CDK14: variants seen among roughly 807,000 people sequenced by gnomAD.
The protein encoded by CDK14 is cyclin dependent kinase 14.
A neutral mutation model predicts 60.7 loss-of-function variants in CDK14; 34 were observed. The observed-to-expected ratio is 0.56, with a 90% CI of 0.43 to 0.75. The LOEUF is 0.75. Among genes scored for constraint, CDK14 ranks in the 30% least tolerant of loss-of-function variants. CDK14 has a pLI of 0.00. For missense variants in CDK14, 482 were observed against 564.1 expected, an observed-to-expected ratio of 0.85 and a Z score of 1.47; for synonymous variants, 197 against 203.7, an observed-to-expected ratio of 0.97 and a Z score of 0.28.
chr7:91,050,272 C>T (rs2116047888), intron 11 of CDK14, among the ~76,000 whole-genome samples: 1 of 152,068 alleles, frequency 6.6e-6, no homozygotes, highest in African/African-American at 2.4e-5. Flanking sequence ...GAATTGGGGG[C>T]CAGAGAAGAA....
chr7:90,860,673 G>A (rs556595524), intron 5 of CDK14, among the ~76,000 whole-genome samples: 1 of 151,954 alleles, frequency 6.6e-6, no homozygotes, highest in East Asian at 1.9e-4. Flanking sequence ...TTACAGGCAC[G>A]TGCCACCACA....
At chr7:90,597,507 C>G (rs1487371710) in intron 1 of CDK14, among the ~76,000 whole-genome samples, 2 of 152,098 alleles carry the variant, frequency 1.3e-5, no homozygotes, top group Non-Finnish European at 2.9e-5. Context: ...GCATAGAAAA[C>G]CCCTTTTAAC....
chr7:90,851,548 A>G (rs139517367), intron 5 of CDK14, among the ~76,000 whole-genome samples: 41 of 152,266 alleles, frequency 2.7e-4, no homozygotes, highest in African/African-American at 9.4e-4. Context: ...GCTATTGTCA[A>G]TACCAGTCAC....
chr7:91,165,623 C>T (rs1245204426), intron 14 of CDK14, among the ~76,000 whole-genome samples: 1 of 152,148 alleles, frequency 6.6e-6, no homozygotes, highest in Non-Finnish European at 1.5e-5. Flanking sequence ...AGAGCAGAAA[C>T]ACCAAGAAAG....
At chr7:90,773,000 G>T (rs574602508) in intron 4 of CDK14, among the ~76,000 whole-genome samples, 46 of 152,200 alleles carry the variant, frequency 3.0e-4, no homozygotes, top group Non-Finnish European at 1.3e-4. Context: ...CAAGTATTCT[G>T]CCATAAACAT....
At chr7:90,757,242 G>GTGTGTGTGTC (rs1285852835) in intron 4 of CDK14, among the ~76,000 whole-genome samples, 1 of 136,070 alleles carries the variant, frequency 7.3e-6, no homozygotes, top group African/African-American at 2.6e-5. Flanking sequence ...GTGTGTGTGT[G>GTGTGTGTGTC]TGTGTGTGTC....
At chr7:90,852,543 A>G (rs935807837) in intron 5 of CDK14, among the ~76,000 whole-genome samples, 2 of 151,946 alleles carry the variant, frequency 1.3e-5, no homozygotes, top group Non-Finnish European at 2.9e-5. Flanking sequence ...AGAGGCTGGG[A>G]CTCCCCAGTC....
At chr7:90,797,550 C>T (rs1173648684) in intron 5 of CDK14, among the ~76,000 whole-genome samples, 1 of 151,884 alleles carries the variant, frequency 6.6e-6, no homozygotes, top group Non-Finnish European at 1.5e-5. Flanking sequence ...GCCTTAGTAA[C>T]CCTACGTATT....
chr7:91,125,594 T>C (rs1799917155), intron 14 of CDK14, among the ~76,000 whole-genome samples: 1 of 152,076 alleles, frequency 6.6e-6, no homozygotes, highest in African/African-American at 2.4e-5. Context: ...GAATAATTTT[T>C]CAGCAGTCCT....
At chr7:90,774,270 G>A (rs1804925002) in intron 4 of CDK14, among the ~76,000 whole-genome samples, 1 of 152,048 alleles carries the variant, frequency 6.6e-6, no homozygotes, top group African/African-American at 2.4e-5. Flanking sequence ...AATCTATTTA[G>A]CTCTTCAGTT....
intron 14 of CDK14, among the ~76,000 whole-genome samples, chr7:91,181,739 C>T (rs1045758157): frequency 6.6e-6 from 1 of 152,028 alleles, no homozygotes; most frequent in Admixed American, 6.5e-5. Flanking sequence ...ATTTTTTTGA[C>T]CAATGGGAGA....
At chr7:90,724,161 G>A (rs1802550096) in intron 2 of CDK14, among the ~76,000 whole-genome samples, 1 of 151,776 alleles carries the variant, frequency 6.6e-6, no homozygotes, top group Admixed American at 6.6e-5. Context: ...AACTGAGTGA[G>A]CTTTGGTAGT....
At chr7:90,797,693 T>C (rs1399682248) in intron 5 of CDK14, among the ~76,000 whole-genome samples, 1 of 151,976 alleles carries the variant, frequency 6.6e-6, no homozygotes, top group East Asian at 1.9e-4. Context: ...CAGGAAACTT[T>C]CAATCATCCT....
At chr7:91,123,329 C>T (rs1251696595) in intron 14 of CDK14, among the ~76,000 whole-genome samples, 3 of 151,526 alleles carry the variant, frequency 2.0e-5, no homozygotes, top group Non-Finnish European at 4.4e-5. Flanking sequence ...ATTTTTTTTT[C>T]CTATTAAACA....
At chr7:90,672,149 C>T (rs993350387) in intron 2 of CDK14, among the ~76,000 whole-genome samples, 1 of 152,152 alleles carries the variant, frequency 6.6e-6, no homozygotes, top group Admixed American at 6.5e-5. Context: ...TATTCTTTTT[C>T]TTGGGTAATA....
chr7:90,847,068 G>A (rs1005482843), intron 5 of CDK14, among the ~76,000 whole-genome samples: 3 of 152,158 alleles, frequency 2.0e-5, no homozygotes, highest in Non-Finnish European at 2.9e-5. Flanking sequence ...CTTACTTAGG[G>A]AAGGAGGGTT....
chr7:90,993,844 T>G (rs1795605390), intron 10 of CDK14, among the ~76,000 whole-genome samples: 1 of 152,340 alleles, frequency 6.6e-6, no homozygotes, highest in East Asian at 1.9e-4. Flanking sequence ...TCTATTAACA[T>G]AAGCTTTTAT....
intron 4 of CDK14, among the ~76,000 whole-genome samples, chr7:90,778,795 A>G (rs78455083): frequency 0.014 from 2,041 of 150,792 alleles, 39 homozygotes; most frequent in African/African-American, 0.046. Context: ...TTATTCTTTT[A>G]TCTTCCTTTT....
chr7:90,734,691 A>G (rs1803013591), intron 3 of CDK14, among the ~76,000 whole-genome samples: 1 of 152,082 alleles, frequency 6.6e-6, no homozygotes, highest in Non-Finnish European at 1.5e-5. Context: ...CAAACTGGTT[A>G]TTCTAGTTAG....
Sources: allele counts gnomAD v4.1 joint callset (sites outside exome capture counted in the v4.1 genomes callset), GRCh38; gene constraint gnomAD v4.1.1; transcripts MANE v1.5; gene names NCBI Gene and HGNC (gene_info 2026-07-23, HGNC 2026-07-21).